The following CNTN3 variants were observed in gnomAD, a reference collection of about 807,000 sequenced individuals.
CNTN3 encodes the protein contactin-3.
A neutral mutation model predicts 119.1 loss-of-function variants in CNTN3; 60 were observed. The observed-to-expected ratio is 0.50, with a 90% CI of 0.41 to 0.62. The LOEUF is 0.62. CNTN3 is among the 20% of genes least tolerant of loss of function. The pLI is 0.00. For synonymous variants in CNTN3, 450 were observed against 438.7 expected (o/e 1.03, Z -0.32); for missense variants, 1,101 against 1,242.4 (o/e 0.89, Z 1.71).
At chr3:74,517,997 T>C (rs927737121) in intron 2 of CNTN3, among the ~76,000 whole-genome samples, 1 of 152,118 alleles carries the variant, frequency 6.6e-6, no homozygotes, top group East Asian at 1.9e-4. Flanking sequence ...GTCAATTAAA[T>C]TCATTTGAGT....
chr3:74,585,448 G>A (rs1047956596), intron 1 of CNTN3, among the ~76,000 whole-genome samples: 1 of 152,150 alleles, frequency 6.6e-6, no homozygotes, highest in African/African-American at 2.4e-5. Flanking sequence ...ATTGACATTT[G>A]TGGGCTTAAA....
intron 5 of CNTN3, among the ~76,000 whole-genome samples, chr3:74,424,329 T>G (rs1169678616): frequency 6.6e-6 from 1 of 151,816 alleles, no homozygotes; most frequent in African/African-American, 2.4e-5. Flanking sequence ...GCATAAAATT[T>G]GCAATTCCAA....
At chr3:74,481,047 T>C (rs913099128) in intron 4 of CNTN3, among the ~76,000 whole-genome samples, 2 of 151,766 alleles carry the variant, frequency 1.3e-5, no homozygotes, top group African/African-American at 4.8e-5. Flanking sequence ...GAAGGCAAAA[T>C]GCTCTATTGA....
rs139877872 is a variant in CNTN3, at chr3:74,505,502, T to TACACACAC, written c.56-5725_56-5718dup. 6.9e-3 allele frequency among the ~76,000 whole-genome samples: 1,008 copies of TACACACAC among 146,638 alleles called. 10 individuals carry two copies. The highest frequency in any genetic ancestry group is 0.019 in the African/African-American group (757 of 39,646). On this transcript the variant is annotated intron_variant, in intron 2 of 22. Coordinates refer to ENST00000263665, the MANE Select transcript of CNTN3 (RefSeq NM_020872.3). ...ATATATATTTATATATGTGCATAAA[T>TACACACAC]ACACACACACACACACACACACCAC... is the stretch of plus-strand genomic sequence containing the variant.
At chr3:74,324,138 C>T (rs1324314705) in intron 13 of CNTN3, among the ~76,000 whole-genome samples, 1 of 151,702 alleles carries the variant, frequency 6.6e-6, no homozygotes, top group Non-Finnish European at 1.5e-5. Flanking sequence ...ATATGAATTC[C>T]AATAGTGGAA....
In CNTN3 at chr3:74,548,092, G is replaced by A. The variant is rs147407975; in HGVS notation, c.-80-26900C>T. On this transcript the variant is annotated intron_variant, in intron 1 of 22. Coordinates refer to ENST00000263665, the MANE Select transcript of CNTN3 (RefSeq NM_020872.3). ...GAAACACTATCTTTGGTATACAATC[G>A]ACCACCCCAAGATCTATTTCTGGAT... Among the ~76,000 whole-genome samples the A allele has an allele frequency of 3.1e-4, 47 of 152,050 alleles. 1 individual carries two copies. Among genetic ancestry groups the A allele is most frequent in the African/African-American group, 9.9e-4 (41 of 41,482 alleles).
At chr3:74,436,300 G>A (rs1348865641) in intron 4 of CNTN3, among the ~76,000 whole-genome samples, 2 of 152,230 alleles carry the variant, frequency 1.3e-5, no homozygotes, top group South Asian at 2.1e-4. Context: ...CTGCATTTTA[G>A]GTCTGTCTGC....
intron 4 of CNTN3, among the ~76,000 whole-genome samples, chr3:74,430,495 C>A (rs1157309179): frequency 6.6e-6 from 1 of 152,148 alleles, no homozygotes; most frequent in Non-Finnish European, 1.5e-5. Context: ...GTAATCCCAG[C>A]AACTCCAGAG....
chr3:74,599,074 T>C (rs886704729), intron 1 of CNTN3, among the ~76,000 whole-genome samples: 1 of 152,066 alleles, frequency 6.6e-6, no homozygotes, highest in Non-Finnish European at 1.5e-5. Flanking sequence ...TAACACATAA[T>C]TAATCCACAT....
At chr3:74,592,474 AAC>A (rs747459006) in intron 1 of CNTN3, among the ~76,000 whole-genome samples, 68 of 143,722 alleles carry the variant, frequency 4.7e-4, no homozygotes, top group Middle Eastern at 3.5e-3. Context: ...AACAGAATGA[AAC>A]ACACACACAC....
intron 8 of CNTN3, among the ~76,000 whole-genome samples, chr3:74,366,370 ATCATTT>A (rs1406654989): frequency 1.3e-5 from 2 of 152,102 alleles, no homozygotes; most frequent in African/African-American, 4.8e-5. Context: ...AAATGGATTT[ATCATTT>A]TCAACTTATG....
In CNTN3 at chr3:74,295,158, G is replaced by C. The variant is rs1279392230; in HGVS notation, c.2480C>G (p.Pro827Arg). The change falls in exon 19 of 23, where the codon CCT becomes CGT. Residue 827 changes from proline (P) to arginine (R), a missense_variant. Transcript: ENST00000263665. ...SEIEVSWNTI[P>R]WKLSNGHLLG... ...TAAATGTCCATTGCTCAACTTCCAA[G>C]GAATGGTGTTCCATGAAACCTCAAT... The C allele has an allele frequency of 1.2e-5, 20 of 1,613,120 alleles. No individual in the cohort carries two copies. The highest frequency in any genetic ancestry group is 1.5e-5 in the Non-Finnish European group (18 of 1,179,208).
chr3:74,469,295 A>G (rs922004598), intron 4 of CNTN3, among the ~76,000 whole-genome samples: 2 of 152,132 alleles, frequency 1.3e-5, no homozygotes, highest in African/African-American at 2.4e-5. Context: ...TTAGTAGAGT[A>G]TGTCATTTTA....
chr3:74,359,352 C>A (rs532146056), intron 11 of CNTN3, among the ~76,000 whole-genome samples: 2 of 151,970 alleles, frequency 1.3e-5, no homozygotes, highest in South Asian at 2.1e-4. Flanking sequence ...GATTTTGCAG[C>A]GACTATGTAA....
intron 3 of CNTN3, among the ~76,000 whole-genome samples, chr3:74,494,556 T>C (rs1397397824): frequency 6.6e-6 from 1 of 152,090 alleles, no homozygotes; most frequent in African/African-American, 2.4e-5. Flanking sequence ...CAAGGCAATT[T>C]GTCTTTAAAT....
intron 5 of CNTN3, among the ~76,000 whole-genome samples, chr3:74,424,528 T>G (rs1701665447): frequency 6.6e-6 from 1 of 150,528 alleles, no homozygotes; most frequent in Non-Finnish European, 1.5e-5. Context: ...AAAGATCCAG[T>G]TTGACATGGC....
chr3:74,356,535 A>G (rs1703938508), intron 11 of CNTN3, among the ~76,000 whole-genome samples: 1 of 152,082 alleles, frequency 6.6e-6, no homozygotes, highest in East Asian at 1.9e-4. Context: ...CTGTCCTGTT[A>G]CCTGTCTGTA....
chr3:74,441,273 C>G (rs1216946993), intron 4 of CNTN3, among the ~76,000 whole-genome samples: 1 of 151,996 alleles, frequency 6.6e-6, no homozygotes, highest in Non-Finnish European at 1.5e-5. Context: ...CCAAAATACA[C>G]TAAAGCATAA....
intron 4 of CNTN3, among the ~76,000 whole-genome samples, chr3:74,456,226 TGAA>T (rs66623295): frequency 0.51 from 77,583 of 151,356 alleles, 20,185 homozygotes; most frequent in Non-Finnish European, 0.55. Context: ...TATTTTTAAA[TGAA>T]GAGCTATCTA....
Sources: gnomAD v4.1 joint callset for allele counts (sites outside exome capture counted in the v4.1 genomes callset) on GRCh38, gnomAD v4.1.1 for gene constraint, MANE v1.5 for transcripts, NCBI Gene and HGNC (gene_info 2026-07-23, HGNC 2026-07-21) for gene names.